The following CDK14 variants were observed in gnomAD, a reference collection of about 807,000 sequenced individuals.
The protein encoded by CDK14 is cyclin-dependent kinase 14.
A neutral mutation model predicts 60.7 loss-of-function variants in CDK14; 34 were observed. The observed-to-expected ratio is 0.56, with a 90% CI of 0.43 to 0.75. The LOEUF (loss-of-function observed/expected upper bound fraction) is 0.75, where lower values mean the gene tolerates loss of function less well. CDK14 is among the 30% of genes least tolerant of loss of function. The pLI, the probability that CDK14 is intolerant of heterozygous loss-of-function variation, is 0.00. For synonymous variants in CDK14, 197 were observed against 203.7 expected, an observed-to-expected ratio of 0.97 and a Z score of 0.28; for missense variants, 482 against 564.1, an observed-to-expected ratio of 0.85 and a Z score of 1.47.
chr7:90,725,848 TG>T (rs1279769659), intron 2 of CDK14, among the ~76,000 whole-genome samples: 1 of 151,948 alleles, frequency 6.6e-6, no homozygotes, highest in Non-Finnish European at 1.5e-5. Context: ...GAGAAGAGAA[TG>T]GGTGAAGAAG....
At chr7:90,978,573 A>G (rs1795140473) in intron 9 of CDK14, among the ~76,000 whole-genome samples, 1 of 152,172 alleles carries the variant, frequency 6.6e-6, no homozygotes, top group Non-Finnish European at 1.5e-5. Flanking sequence ...AATATAAAAT[A>G]AAAACTTTAA....
intron 8 of CDK14, among the ~76,000 whole-genome samples, chr7:90,952,181 G>C (rs573338259): frequency 7.7e-4 from 118 of 152,262 alleles, no homozygotes; most frequent in African/African-American, 2.6e-3. Flanking sequence ...AGGCTGTTAT[G>C]ATGAGGCCTG....
At chr7:91,091,516 T>TATATATATATATATATATATAA (rs1297777867) in intron 12 of CDK14, among the ~76,000 whole-genome samples, 2 of 141,064 alleles carry the variant, frequency 1.4e-5, no homozygotes, top group African/African-American at 5.5e-5. Context: ...TATATATATA[T>TATATATATATATATATATATAA]AAATTAGCCA....
At position 90,744,663 on chromosome 7, in the gene CDK14, G is replaced by T. The variant is rs1483183270; in HGVS notation, c.370-3018G>T. On this transcript the variant is annotated intron_variant, in intron 3 of 14. Transcript: ENST00000380050. ...GGCTGACCCCCCCACCTCCCTCCCG[G>T]ACGGGGCGGCTGGCCGGGCAGAGGG... Among the ~76,000 whole-genome samples, 9 of 146,502 alleles carry T rather than the reference G, an allele frequency of 6.1e-5. 2 individuals carry two copies. The highest frequency in any genetic ancestry group is 2.4e-4 in the African/African-American group (9 of 37,856).
intron 11 of CDK14, among the ~76,000 whole-genome samples, chr7:91,069,678 A>T (rs1798080369): frequency 6.6e-6 from 1 of 152,262 alleles, no homozygotes; most frequent in South Asian, 2.1e-4. Flanking sequence ...TTACTGAAGG[A>T]TGTATATGTG....
intron 4 of CDK14, among the ~76,000 whole-genome samples, chr7:90,785,910 G>T (rs1490530611): frequency 6.6e-6 from 1 of 152,126 alleles, no homozygotes; most frequent in Non-Finnish European, 1.5e-5. Flanking sequence ...GACAGATTTG[G>T]ATTTGTGCTT....
chr7:90,993,003 G>A (rs1294169205), intron 10 of CDK14, among the ~76,000 whole-genome samples: 2 of 152,152 alleles, frequency 1.3e-5, no homozygotes, highest in Admixed American at 6.6e-5. Flanking sequence ...CAAGAAAATC[G>A]AAGTGTTTCT....
Position 91,118,130 on chromosome 7 carries a change from T to A in CDK14, c.1360T>A (p.Phe454Ile), listed in dbSNP as rs773212152. 4 of 1,613,570 alleles carry A rather than the reference T, an allele frequency of 2.5e-6. No individual in the cohort carries two copies. The highest frequency in any genetic ancestry group is 3.4e-6 in the Non-Finnish European group (4 of 1,179,710). ...AGAAGCTGGAGAAAGCATGCGGGCC[T>A]TTGGGAAAAACAATAGTTATGGCAA... ...QPEAGESMRAFGKNNSYGKSL... is the reference protein window; with the variant it reads ...QPEAGESMRAIGKNNSYGKSL... Residue 454 changes from phenylalanine to isoleucine, a missense_variant, in exon 14 of 15, where the codon TTT becomes ATT. Transcript: ENST00000380050.
chr7:90,807,686 C>T lies in CDK14; in HGVS notation c.544+17034C>T, dbSNP rs138985799. On this transcript the variant is annotated intron_variant, in intron 5 of 14. Transcript: ENST00000380050. ...CTACTCCGAACTAAAGGAGGAAGTCCGAACCCATGGCAAAGAAGTTAAAAA... is the reference window on the plus strand; with the variant it reads ...CTACTCCGAACTAAAGGAGGAAGTCTGAACCCATGGCAAAGAAGTTAAAAA... 2.5e-4 allele frequency among the ~76,000 whole-genome samples: 38 copies of T among 152,190 alleles called. No homozygotes were observed. The East Asian group carries it at 6.2e-3, about 25-fold the overall frequency.
rs75443476 is a variant in CDK14 at position 90,948,041 on chromosome 7, T to C, written c.827-7656T>C. Among the ~76,000 whole-genome samples the C allele has an allele frequency of 9.9e-3, 1,507 of 152,306 alleles. 26 individuals are homozygous for C. Among genetic ancestry groups the C allele is most frequent in the African/African-American group, 0.033 (1,384 of 41,572 alleles). On this transcript the variant is annotated intron_variant, in intron 8 of 14. Transcript: ENST00000380050. ...TGTTTTGAGTATATATTAATTCATG[T>C]TTACAAACAAATGCCTTAAAAGTTC...
Position 90,596,504 on chromosome 7 carries a change from T to C in CDK14, c.-124T>C, listed in dbSNP as rs1453678513. 2 of 746,580 alleles carry C rather than the reference T, an allele frequency of 2.7e-6. No individual in the cohort carries two copies. The highest frequency in any genetic ancestry group is 5.5e-5 in the East Asian group (2 of 36,442). The allele number at this position is 746,580 out of a possible 1,614,324, so 46.2% of individuals were successfully genotyped here. On this transcript the variant is annotated 5_prime_UTR_variant, in exon 1 of 15. Coordinates refer to ENST00000380050, the MANE Select transcript of CDK14 (RefSeq NM_001287135.2). ...CGCCTCCCTAGACCTGCGCGTCGCT[T>C]CCCGGCCCGCCGAGGAGGTGGTGGA...
chr7:91,044,178 G>A (rs921575874), intron 10 of CDK14, among the ~76,000 whole-genome samples: 6 of 151,636 alleles, frequency 4.0e-5, no homozygotes, highest in African/African-American at 1.4e-4. Flanking sequence ...AGCGAAACAT[G>A]CGACATCAAT....
intron 8 of CDK14, among the ~76,000 whole-genome samples, chr7:90,921,301 C>T (rs1387443307): frequency 6.6e-6 from 1 of 152,090 alleles, no homozygotes; most frequent in African/African-American, 2.4e-5. Context: ...CCTTCTGCCT[C>T]TCATGTGGCT....
rs17869365 is a variant in CDK14 at position 90,644,692 on chromosome 7, G to A, written c.123+40443G>A. 5.7e-3 allele frequency among the ~76,000 whole-genome samples: 875 copies of A among 152,224 alleles called. 7 individuals carry two copies. The highest frequency in any genetic ancestry group is 0.018 in the African/African-American group (759 of 41,532). On this transcript the variant is annotated intron_variant, in intron 2 of 14. Transcript: ENST00000380050. Reference sequence around the variant, plus strand: ...TTTACTTTATCAGAATACTTCTAGGGGCACCTCTGGTGATACCATGGGTAA... The same window carrying A: ...TTTACTTTATCAGAATACTTCTAGGAGCACCTCTGGTGATACCATGGGTAA...
intron 3 of CDK14, among the ~76,000 whole-genome samples, chr7:90,744,599 G>A (rs1185463345): frequency 7.3e-5 from 11 of 151,048 alleles, no homozygotes; most frequent in East Asian, 4.0e-4. Context: ...GGGCAGAAGC[G>A]CCCCTCACCT....
intron 6 of CDK14, among the ~76,000 whole-genome samples, chr7:90,874,854 C>T (rs758976811): frequency 2.2e-4 from 33 of 152,192 alleles, no homozygotes; most frequent in Non-Finnish European, 4.6e-4. Context: ...GTGTGTAATG[C>T]AGTAGCTTTA....
At chr7:90,981,693 G>A (rs1315387080) in intron 9 of CDK14, among the ~76,000 whole-genome samples, 2 of 152,284 alleles carry the variant, frequency 1.3e-5, no homozygotes, top group East Asian at 1.9e-4. Flanking sequence ...AGTGGAAGAA[G>A]TGTCCCAATA....
chr7:90,857,161 T>C (rs556437690), intron 5 of CDK14, among the ~76,000 whole-genome samples: 1 of 152,242 alleles, frequency 6.6e-6, no homozygotes, highest in South Asian at 2.1e-4. Context: ...AAAATGAACT[T>C]ACTCTGATTT....
intron 5 of CDK14, among the ~76,000 whole-genome samples, chr7:90,801,806 A>G (rs149968511): frequency 0.013 from 1,957 of 152,326 alleles, 57 homozygotes; most frequent in African/African-American, 0.045. Context: ...ATGATCAAAT[A>G]CAACCTAAAT....
Sources: gnomAD v4.1 joint callset for allele counts (sites outside exome capture counted in the v4.1 genomes callset) on GRCh38, gnomAD v4.1.1 for gene constraint, MANE v1.5 for transcripts, NCBI Gene and HGNC (gene_info 2026-07-23, HGNC 2026-07-21) for gene names.